FLT3: variants seen among roughly 807,000 people sequenced by gnomAD.
FLT3 encodes the protein fms related receptor tyrosine kinase 3.
Under a neutral mutation model 126.6 loss-of-function variants are expected in FLT3, and 46 were observed. That is an observed-to-expected ratio of 0.36 (90% confidence interval 0.29 to 0.46). The LOEUF (loss-of-function observed/expected upper bound fraction) is 0.46. FLT3 is among the 20% of genes least tolerant of loss of function. The pLI, the probability that FLT3 is intolerant of heterozygous loss-of-function variation, is 1.00. For missense variants in FLT3, 1,069 were observed against 1,190.3 expected, an observed-to-expected ratio of 0.90 and a Z score of 1.50; for synonymous variants, 404 against 434.4, an observed-to-expected ratio of 0.93 and a Z score of 0.87.
intron 1 of FLT3, among the ~76,000 whole-genome samples, chr13:28,091,344 C>A (rs1368479695): frequency 6.8e-6 from 1 of 147,860 alleles, no homozygotes; most frequent in Non-Finnish European, 1.5e-5. Flanking sequence ...GCCTCAGCCT[C>A]CCGAGTAGCT....
Position 28,083,858 on chromosome 13 carries a change from C to T in FLT3, c.44-13246G>A, listed in dbSNP as rs146907551. Among the ~76,000 whole-genome samples the T allele has an allele frequency of 2.6e-5, 4 of 152,112 alleles. No homozygotes were observed. In the South Asian group the frequency reaches 6.2e-4, roughly 24 times the overall value. The stretch of plus-strand genomic sequence containing the variant: ...TCTCATTCCTGATATTGGCAATTCA[C>T]GTCTTCACTCTTTTTTTCTAATCAG... On this transcript the variant is annotated intron_variant, in intron 1 of 23. Coordinates refer to ENST00000241453, the MANE Select transcript of FLT3 (RefSeq NM_004119.3).
At chr13:28,053,616 T>C (rs1365634022) in intron 4 of FLT3, among the ~76,000 whole-genome samples, 4 of 152,126 alleles carry the variant, frequency 2.6e-5, no homozygotes, top group Non-Finnish European at 5.9e-5. Flanking sequence ...ACCAAATAAA[T>C]ATGTGGCACT....
intron 1 of FLT3, among the ~76,000 whole-genome samples, chr13:28,090,050 C>A (rs7327072): frequency 0.6 from 90,311 of 150,656 alleles, 27,171 homozygotes; most frequent in East Asian, 0.73. Flanking sequence ...CGTGAGGGAA[C>A]TTTTTTTTTA....
At chr13:28,006,710 T>C (rs899408380) in intron 23 of FLT3, among the ~76,000 whole-genome samples, 25 of 151,914 alleles carry the variant, frequency 1.6e-4, no homozygotes, top group African/African-American at 6.0e-4. Context: ...TTCCATTTCT[T>C]TAAGTGACCT....
chr13:28,029,950 G>A (rs1873169825), intron 15 of FLT3, among the ~76,000 whole-genome samples: 1 of 152,186 alleles, frequency 6.6e-6, no homozygotes, highest in South Asian at 2.1e-4. Flanking sequence ...TGTGCAGTTG[G>A]TCAGGGCAGC....
intron 1 of FLT3, among the ~76,000 whole-genome samples, chr13:28,077,714 A>G (rs1566101312): frequency 6.6e-6 from 1 of 152,164 alleles, no homozygotes. Flanking sequence ...AACTCATTTC[A>G]GCCTTAACCC....
intron 9 of FLT3, among the ~76,000 whole-genome samples, chr13:28,042,136 C>A (rs28640144): frequency 0.082 from 11,165 of 136,802 alleles, 482 homozygotes; most frequent in Middle Eastern, 0.17. Flanking sequence ...AGAGGGCAAG[C>A]CTCCATCCGA....
At position 28,057,340 on chromosome 13, in the gene FLT3, G is replaced by A; in HGVS notation, c.484+7C>T. ...AGGCTGGAATACTAGTAGCAGGCTG[G>A]ACTTACTTCTTATACTCACTGTAAA... On this transcript the variant is annotated splice_region_variant and intron_variant, in intron 4 of 23. Transcript: ENST00000241453. The A allele has an allele frequency of 8.6e-7, 1 of 1,163,134 alleles. No individual in the cohort carries two copies. Among genetic ancestry groups the A allele is most frequent in the African/African-American group, 1.5e-5 (1 of 66,456 alleles). 72.1% of individuals were successfully genotyped at this position (1,163,134 alleles called of 1,614,324 possible).
At position 28,003,931 on chromosome 13, in the gene FLT3, T is replaced by C. The variant is rs1870650594; in HGVS notation, c.*121A>G. ...AACGCAGACAGCTTCTAGAGAAAAG[T>C]CTGGTGAAGCAGCAGTTGATAATAG... On this transcript the variant is annotated 3_prime_UTR_variant, in exon 24 of 24. Transcript: ENST00000241453. 4 of 1,161,088 alleles carry C rather than the reference T, an allele frequency of 3.4e-6. No individual in the cohort carries two copies. The highest frequency in any genetic ancestry group is 2.7e-4 in the Middle Eastern group (1 of 3,696). 71.9% of individuals were successfully genotyped at this position (1,161,088 alleles called of 1,614,324 possible). A position where few individuals can be genotyped will look rare whatever the true frequency, so the allele number is the denominator to read the frequency against.
intron 9 of FLT3, among the ~76,000 whole-genome samples, chr13:28,043,915 G>T (rs1028534204): frequency 6.6e-6 from 1 of 151,968 alleles, no homozygotes; most frequent in Admixed American, 6.6e-5. Context: ...TTTGAGACCA[G>T]CCTGGCCAAC....
intron 3 of FLT3, among the ~76,000 whole-genome samples, chr13:28,060,405 G>C (rs1256908199): frequency 9.1e-6 from 1 of 109,326 alleles, no homozygotes. Context: ...CTGGGAGACA[G>C]AGCAAAACTC....
At chr13:28,090,578 G>T (rs1206694512) in intron 1 of FLT3, among the ~76,000 whole-genome samples, 1 of 152,018 alleles carries the variant, frequency 6.6e-6, no homozygotes, top group Non-Finnish European at 1.5e-5. Context: ...AGGAGTTCGA[G>T]ACCAGCCTGG....
chr13:28,076,043 C>T (rs868003704), intron 1 of FLT3, among the ~76,000 whole-genome samples: 6 of 152,058 alleles, frequency 3.9e-5, no homozygotes, highest in South Asian at 2.1e-4. Flanking sequence ...GTGATCTGTC[C>T]GCCTCGGCCT....
Position 28,016,249 on chromosome 13 carries a change from G to A in FLT3, c.2542-548C>T, listed in dbSNP as rs74892171. On this transcript the variant is annotated intron_variant, in intron 20 of 23. Coordinates refer to ENST00000241453, the MANE Select transcript of FLT3 (RefSeq NM_004119.3). ...GACACAAGATGGGTAGGTTACTGGGGCAGAGCTTTGTACTGATTTTCTTTC... is the reference window on the plus strand; with the variant it reads ...GACACAAGATGGGTAGGTTACTGGGACAGAGCTTTGTACTGATTTTCTTTC... Among the ~76,000 whole-genome samples, 25 of 151,168 alleles carry A rather than the reference G, an allele frequency of 1.7e-4. No homozygotes were observed. In the South Asian group the frequency reaches 5.1e-3, roughly 31 times the overall value.
intron 1 of FLT3, among the ~76,000 whole-genome samples, chr13:28,093,667 T>C (rs967637647): frequency 1.3e-5 from 2 of 152,176 alleles, no homozygotes; most frequent in Admixed American, 1.3e-4. Context: ...CAAGTCTTAC[T>C]TCTCTTCCAG....
chr13:28,061,078 G>A (rs779004218), intron 3 of FLT3, among the ~76,000 whole-genome samples: 31 of 151,960 alleles, frequency 2.0e-4, no homozygotes, highest in Middle Eastern at 3.4e-3. Flanking sequence ...AGTTTGGGCC[G>A]GGCACGGTGG....
In FLT3 at chr13:28,015,660, A is replaced by C. The variant is rs768723625; in HGVS notation, c.2583T>G (p.Phe861Leu). The part of the protein sequence containing the change: ...PVKWMAPESL[F>L]EGIYTIKSDV... ...CACTCTTAATGGTGTAGATGCCTTC[A>C]AACAGGCTTTCGGGGGCCATCCATT... is the stretch of plus-strand genomic sequence containing the variant. Residue 861 changes from phenylalanine (F) to leucine (L), a missense_variant, in exon 21 of 24, where the codon TTT becomes TTG. Physicochemically the swap from Phe to Leu is conservative, Grantham distance 22. Coordinates refer to ENST00000241453, the MANE Select transcript of FLT3 (RefSeq NM_004119.3). 2 of 1,611,266 alleles carry C rather than the reference A, an allele frequency of 1.2e-6. No individual in the cohort carries two copies. Among genetic ancestry groups the C allele is most frequent in the Admixed American group, 3.4e-5 (2 of 59,698 alleles).
intron 19 of FLT3, among the ~76,000 whole-genome samples, chr13:28,020,406 C>T (rs1345431359): frequency 4.6e-5 from 7 of 152,054 alleles, no homozygotes; most frequent in East Asian, 1.9e-4. Context: ...TGGAGTGCAG[C>T]GGTACAATCT....
At chr13:28,039,392 G>C (rs1213667176) in intron 9 of FLT3, among the ~76,000 whole-genome samples, 1 of 151,634 alleles carries the variant, frequency 6.6e-6, no homozygotes, top group Admixed American at 6.6e-5. Flanking sequence ...TAGTAGAGAT[G>C]GGGTTTCACC....
Sources: gnomAD v4.1 joint callset for allele counts (sites outside exome capture counted in the v4.1 genomes callset) on GRCh38, gnomAD v4.1.1 for gene constraint, MANE v1.5 for transcripts, NCBI Gene and HGNC (gene_info 2026-07-23, HGNC 2026-07-21) for gene names.